The following C10orf90 variants were observed in gnomAD, a reference collection of about 807,000 sequenced individuals.
C10orf90 encodes the protein (E2-independent) E3 ubiquitin-conjugating enzyme FATS.
In C10orf90, 56 loss-of-function variants were observed where a neutral mutation model predicts 62.5. The observed-to-expected ratio is 0.90, with a 90% CI of 0.72 to 1.12. The LOEUF (loss-of-function observed/expected upper bound fraction) is 1.12, where lower values mean the gene tolerates loss of function less well. Ranked by LOEUF, C10orf90 falls within the 50% of genes most tolerant of loss-of-function variation. C10orf90 has a pLI of 0.00. For synonymous variants in C10orf90, 386 were observed against 340.4 expected, an observed-to-expected ratio of 1.13 and a Z score of -1.47; for missense variants, 970 against 880.4, an observed-to-expected ratio of 1.10 and a Z score of -1.29.
chr10:126,585,492 G>C (rs1189759410), intron 2 of C10orf90, among the ~76,000 whole-genome samples: 1 of 151,480 alleles, frequency 6.6e-6, no homozygotes, highest in East Asian at 2.0e-4. Flanking sequence ...AGGAGAAAAG[G>C]AGGAAAAGAA....
intron 2 of C10orf90, among the ~76,000 whole-genome samples, chr10:126,596,162 G>T (rs1845081553): frequency 1.3e-5 from 2 of 149,542 alleles, no homozygotes; most frequent in Non-Finnish European, 3.0e-5. Flanking sequence ...AAAAAGCCAG[G>T]CATGGTAGCA....
At chr10:126,524,787 A>G in intron 2 of C10orf90, 1 of 985,490 alleles carries the variant, frequency 1.0e-6, no homozygotes, top group Non-Finnish European at 1.2e-6. Flanking sequence ...TTGTCCTACA[A>G]GAGCTGGGGG....
At chr10:126,458,890 T>G (rs1440301939) in intron 7 of C10orf90, 150 bp downstream of exon 7, 13 of 833,628 alleles carry the variant, frequency 1.6e-5, no homozygotes, top group South Asian at 5.7e-5. Flanking sequence ...ACAGGATTTA[T>G]GATGCTGAGG....
At chr10:126,532,244 G>T (rs1213413586) in intron 2 of C10orf90, among the ~76,000 whole-genome samples, 1 of 152,156 alleles carries the variant, frequency 6.6e-6, no homozygotes, top group Non-Finnish European at 1.5e-5. Context: ...TGGATGGTGG[G>T]TAACTTTGTG....
intron 7 of C10orf90, among the ~76,000 whole-genome samples, chr10:126,452,864 T>C (rs1859293127): frequency 6.6e-6 from 1 of 152,180 alleles, no homozygotes; most frequent in African/African-American, 2.4e-5. Context: ...ATTTAAAAAT[T>C]CTCTTGTGAG....
At chr10:126,597,658 C>T (rs748109313) in intron 2 of C10orf90, among the ~76,000 whole-genome samples, 6 of 151,980 alleles carry the variant, frequency 3.9e-5, no homozygotes, top group Admixed American at 2.0e-4. Context: ...GTCAGGATGG[C>T]GATGATGGAT....
At chr10:126,622,135 T>C (rs1010735449) in intron 2 of C10orf90, among the ~76,000 whole-genome samples, 8 of 152,196 alleles carry the variant, frequency 5.3e-5, no homozygotes, top group African/African-American at 1.7e-4. Flanking sequence ...GGATCATATC[T>C]GGTTCGTTCT....
intron 2 of C10orf90, among the ~76,000 whole-genome samples, chr10:126,515,232 G>C (rs1863371612): frequency 1.3e-5 from 2 of 152,172 alleles, no homozygotes; most frequent in South Asian, 4.1e-4. Context: ...TAGTATAATT[G>C]TTTGTTTAAA....
intron 1 of C10orf90, among the ~76,000 whole-genome samples, chr10:126,664,267 G>C (rs2133875773): frequency 6.6e-6 from 1 of 152,158 alleles, no homozygotes; most frequent in African/African-American, 2.4e-5. Flanking sequence ...ATTTAAACAA[G>C]ACCTGCTTAC....
chr10:126,669,082 A>G (rs1846694185), intron 1 of C10orf90, among the ~76,000 whole-genome samples: 2 of 152,232 alleles, frequency 1.3e-5, no homozygotes, highest in South Asian at 4.1e-4. Context: ...AAATTATGCA[A>G]TGATAAAATT....
intron 2 of C10orf90, among the ~76,000 whole-genome samples, chr10:126,544,315 C>G (rs551669263): frequency 1.3e-4 from 20 of 152,284 alleles, no homozygotes; most frequent in Admixed American, 9.8e-4. Flanking sequence ...CCTTTGGGTC[C>G]TACCAAGCCC....
intron 7 of C10orf90, among the ~76,000 whole-genome samples, chr10:126,451,076 G>T (rs1231266000): frequency 6.6e-6 from 1 of 151,940 alleles, no homozygotes; most frequent in Admixed American, 6.6e-5. Flanking sequence ...TGGCCAACAG[G>T]TATATGAGAA....
intron 7 of C10orf90, among the ~76,000 whole-genome samples, chr10:126,455,542 G>A (rs1334623209): frequency 1.3e-5 from 2 of 152,236 alleles, no homozygotes; most frequent in Admixed American, 6.5e-5. Flanking sequence ...AACAAGGTAC[G>A]CTGAAGAGAT....
intron 2 of C10orf90, among the ~76,000 whole-genome samples, chr10:126,611,712 G>A (rs553160242): frequency 7.9e-5 from 12 of 152,264 alleles, no homozygotes; most frequent in Admixed American, 7.8e-4. Context: ...GGGGATTTTT[G>A]TTGCAGGTGG....
chr10:126,597,664 T>C (rs1323134074), intron 2 of C10orf90, among the ~76,000 whole-genome samples: 2 of 152,164 alleles, frequency 1.3e-5, no homozygotes, highest in African/African-American at 2.4e-5. Flanking sequence ...ATGGCGATGA[T>C]GGATAGAACT....
intron 7 of C10orf90, among the ~76,000 whole-genome samples, chr10:126,449,865 C>G (rs1029409018): frequency 1.3e-5 from 2 of 151,908 alleles, no homozygotes; most frequent in African/African-American, 2.4e-5. Flanking sequence ...GGCATGGTGG[C>G]ATGTACCTGT....
At chr10:126,627,000 CTTTTTT>C (rs61226052) in intron 2 of C10orf90, among the ~76,000 whole-genome samples, 101 of 119,498 alleles carry the variant, frequency 8.5e-4, no homozygotes, top group Non-Finnish European at 1.4e-3. Context: ...TTTTTCTTTT[CTTTTTT>C]TTTTTTTTTT....
At chr10:126,470,759 A>C (rs1032849867) in intron 4 of C10orf90, among the ~76,000 whole-genome samples, 1 of 152,122 alleles carries the variant, frequency 6.6e-6, no homozygotes. Flanking sequence ...CAAAAAAAAA[A>C]AAAATACAGA....
Position 126,504,169 on chromosome 10 carries a change from A to C in C10orf90, c.1322T>G (p.Leu441Trp), listed in dbSNP as rs1223525719. 6.2e-7 allele frequency: 1 copy of C among 1,614,100 alleles called. No homozygotes were observed. The highest frequency in any genetic ancestry group is 2.2e-5 in the East Asian group (1 of 44,878). ...RWNPGLQESH[L>W]KETPSLRRVH... ...CCGCCTCAACGATGGGGTTTCCTTC[A>C]AGTGACTTTCTTGTAAACCTGGGTT... is the stretch of plus-strand genomic sequence containing the variant. Residue 441 changes from leucine to tryptophan, a missense_variant, in exon 4 of 10, where the codon TTG (leucine) becomes TGG (tryptophan). Physicochemically the swap from Leu to Trp is moderately conservative, Grantham distance 61. Coordinates refer to ENST00000488181, the MANE Select transcript of C10orf90 (RefSeq NM_001350921.2). The surrounding 1 kb of genome is among the most constrained non-coding windows in gnomAD (Gnocchi z 4.1).
Sources: allele counts gnomAD v4.1 joint callset (sites outside exome capture counted in the v4.1 genomes callset), GRCh38; gene constraint gnomAD v4.1.1; non-coding constraint Gnocchi (gnomAD v3.1); transcripts MANE v1.5; gene names NCBI Gene and HGNC (gene_info 2026-07-23, HGNC 2026-07-21).